MMS22L: variants seen among roughly 807,000 people sequenced by gnomAD.
MMS22L encodes protein MMS22-like.
MMS22L carries 74 observed loss-of-function variants against 159.1 expected under a neutral mutation model. That is an observed-to-expected ratio of 0.47 (90% CI 0.39 to 0.56). The LOEUF is 0.56. Among genes scored for constraint, MMS22L ranks in the 20% least tolerant of loss-of-function variants. The pLI is 0.00. For missense variants in MMS22L, 1,351 were observed against 1,422.1 expected, an observed-to-expected ratio of 0.95 and a Z score of 0.80; for synonymous variants, 517 against 506.9, an observed-to-expected ratio of 1.02 and a Z score of -0.27.
chr6:97,255,291 T>C (rs185653483), intron 9 of MMS22L, among the ~76,000 whole-genome samples: 87 of 152,238 alleles, frequency 5.7e-4, no homozygotes, highest in African/African-American at 2.0e-3. Context: ...GTTCAAGTTA[T>C]TAGACATAAA....
intron 14 of MMS22L, among the ~76,000 whole-genome samples, chr6:97,206,577 T>C (rs1807810325): frequency 1.3e-5 from 2 of 152,172 alleles, no homozygotes; most frequent in African/African-American, 4.8e-5. Context: ...TTCAATGGTG[T>C]TTGTATCTAT....
At chr6:97,229,550 T>G (rs1166261348) in intron 13 of MMS22L, 147 bp from the exon 14 acceptor site, 5 of 627,398 alleles carry the variant, frequency 8.0e-6, no homozygotes, top group African/African-American at 7.4e-5. Context: ...TCACTTTTTT[T>G]ACTTAGAAAA....
At position 97,214,685 on chromosome 6, in the gene MMS22L, G is replaced by GTTTT. The variant is rs11398586; in HGVS notation, c.2039+14205_2039+14208dup. ...ATCATAAGATTTTACTATTTTTTTT[G>GTTTT]TTTTTTTTTTTTTTTCAAATCATTT... On this transcript the variant is annotated intron_variant, in intron 14 of 24. Transcript: ENST00000683635. Among the ~76,000 whole-genome samples the GTTTT allele has an allele frequency of 3.0e-5, 4 of 133,890 alleles. No homozygotes were observed. The South Asian group carries it at 7.0e-4, about 23-fold the overall frequency. The allele number at this position is 133,890 out of a possible 152,430, so 87.8% of individuals were successfully genotyped here. A position where few individuals can be genotyped will look rare whatever the true frequency, so the allele number is the denominator to read the frequency against.
chr6:97,207,013 TATA>T (rs1412288381), intron 14 of MMS22L, among the ~76,000 whole-genome samples: 6 of 152,126 alleles, frequency 3.9e-5, no homozygotes, highest in Admixed American at 2.0e-4. Flanking sequence ...AAATTAATCA[TATA>T]ATATCTTTAA....
At chr6:97,208,858 C>T (rs922492805) in intron 14 of MMS22L, among the ~76,000 whole-genome samples, 2 of 152,024 alleles carry the variant, frequency 1.3e-5, no homozygotes, top group Admixed American at 6.6e-5. Flanking sequence ...GAGCATGTAT[C>T]CTCTGCATTC....
intron 18 of MMS22L, among the ~76,000 whole-genome samples, chr6:97,178,025 A>G (rs1464323664): frequency 6.6e-6 from 1 of 152,170 alleles, no homozygotes; most frequent in African/African-American, 2.4e-5. Flanking sequence ...ATACTATCAT[A>G]CGAAGTAGAT....
chr6:97,244,032 T>C (rs778649332), intron 11 of MMS22L, among the ~76,000 whole-genome samples: 1 of 152,198 alleles, frequency 6.6e-6, no homozygotes, highest in African/African-American at 2.4e-5. Context: ...ACATTGGTTT[T>C]CTTGAATGCT....
intron 11 of MMS22L, among the ~76,000 whole-genome samples, chr6:97,237,978 A>G (rs888507538): frequency 6.6e-6 from 1 of 152,202 alleles, no homozygotes; most frequent in African/African-American, 2.4e-5. Flanking sequence ...AATCCAGAAA[A>G]ACATATTTAA....
intron 14 of MMS22L, among the ~76,000 whole-genome samples, chr6:97,228,514 G>A (rs912501803): frequency 1.2e-4 from 19 of 152,140 alleles, no homozygotes; most frequent in African/African-American, 4.6e-4. Context: ...TTTGTTTCAT[G>A]CACAAAATTA....
At chr6:97,261,584 G>A (rs1278177388) in intron 9 of MMS22L, 1 of 152,154 alleles carries the variant, frequency 6.6e-6, no homozygotes, top group African/African-American at 2.4e-5. Context: ...AAGGATTGCA[G>A]TCAATAGTAG....
At chr6:97,244,978 G>A (rs1364212266) in intron 11 of MMS22L, among the ~76,000 whole-genome samples, 1 of 152,044 alleles carries the variant, frequency 6.6e-6, no homozygotes, top group Non-Finnish European at 1.5e-5. Flanking sequence ...AGAAGTGGGG[G>A]AAAGCTGGCA....
chr6:97,189,727 T>G (rs1805673767), intron 14 of MMS22L, among the ~76,000 whole-genome samples: 1 of 152,072 alleles, frequency 6.6e-6, no homozygotes, highest in African/African-American at 2.4e-5. Flanking sequence ...GTTGGAAATG[T>G]GCACCCACTT....
At position 97,145,605 on chromosome 6, in the gene MMS22L, G is replaced by T. The variant is rs1157750819; in HGVS notation, c.*1201C>A. The T allele has an allele frequency of 2.6e-5, 4 of 152,098 alleles. No homozygotes were observed. The highest frequency in any genetic ancestry group is 2.9e-5 in the Non-Finnish European group (2 of 67,990). The allele number at this position is 152,098 out of a possible 1,614,324, so 9.4% of individuals were successfully genotyped here. A position where few individuals can be genotyped will look rare whatever the true frequency, so the allele number is the denominator to read the frequency against. On this transcript the variant is annotated 3_prime_UTR_variant, in exon 25 of 25. Coordinates refer to ENST00000683635, the MANE Select transcript of MMS22L (RefSeq NM_001350599.2). ...ATTGTGCACGAGTAATAAACTAATCGTGTCTGTACATTTCCCAACAGAATT... is the reference window on the plus strand; with the variant it reads ...ATTGTGCACGAGTAATAAACTAATCTTGTCTGTACATTTCCCAACAGAATT...
intron 20 of MMS22L, 117 bp from the exon 21 acceptor site, chr6:97,165,574 A>G (rs1802884161): frequency 1.2e-6 from 1 of 847,234 alleles, no homozygotes; most frequent in Non-Finnish European, 1.8e-6. Flanking sequence ...ATAAAAATCA[A>G]AAAGGATACC....
chr6:97,237,300 A>T (rs779391828), intron 11 of MMS22L, among the ~76,000 whole-genome samples: 8 of 152,228 alleles, frequency 5.3e-5, no homozygotes, highest in Non-Finnish European at 1.0e-4. Flanking sequence ...GAACACAGTG[A>T]TCTTGGTACA....
chr6:97,281,216 A>G, intron 3 of MMS22L, 21 bp downstream of exon 3: 3 of 1,593,628 alleles, frequency 1.9e-6, no homozygotes, highest in East Asian at 2.2e-5. Flanking sequence ...ACACTCACAG[A>G]AAGTTATAAC....
At chr6:97,153,722 T>A (rs759422920) in intron 22 of MMS22L, among the ~76,000 whole-genome samples, 1 of 152,206 alleles carries the variant, frequency 6.6e-6, no homozygotes. Context: ...TGAAATAATA[T>A]GTGACTTTTG....
intron 14 of MMS22L, among the ~76,000 whole-genome samples, chr6:97,214,685 GTTT>G (rs11398586): frequency 2.2e-5 from 3 of 133,888 alleles, no homozygotes; most frequent in Admixed American, 1.5e-4. Context: ...TATTTTTTTT[GTTT>G]TTTTTTTTTT....
At position 97,229,307 on chromosome 6, in the gene MMS22L, T is replaced by A; in HGVS notation, c.1626A>T (p.Ala542=). 1.2e-6 allele frequency: 2 copies of A among 1,614,158 alleles called. No individual in the cohort carries two copies. The highest frequency in any genetic ancestry group is 1.3e-5 in the African/African-American group (1 of 75,060). The change falls in exon 14 of 25, where the codon GCA becomes GCT. Residue 542 remains alanine (A), a synonymous_variant. Coordinates refer to ENST00000683635, the MANE Select transcript of MMS22L (RefSeq NM_001350599.2). ...FSLFLLLAAV[A]EVEDVASHVL... is the part of the protein sequence containing the mutation. ...CATGACTTGCAACATCTTCTACCTCTGCAACAGCTGCTAACAGTAGAAAAA... is the reference window on the plus strand; with the variant it reads ...CATGACTTGCAACATCTTCTACCTCAGCAACAGCTGCTAACAGTAGAAAAA...
Sources: gnomAD v4.1 joint callset for allele counts (sites outside exome capture counted in the v4.1 genomes callset) on GRCh38, gnomAD v4.1.1 for gene constraint, MANE v1.5 for transcripts, NCBI Gene and HGNC (gene_info 2026-07-23, HGNC 2026-07-21) for gene names.